Variants in ASB5 observed in about 807,000 individuals in gnomAD.
The protein encoded by ASB5 is ankyrin repeat and SOCS box protein 5.
A neutral mutation model predicts 42.1 loss-of-function variants in ASB5; 45 were observed. The ratio of observed to expected loss-of-function variants is 1.07; its 90% confidence interval spans 0.84 to 1.37. The LOEUF (loss-of-function observed/expected upper bound fraction) is 1.37, where lower values mean the gene tolerates loss of function less well. Among genes scored for constraint, ASB5 ranks in the 40% most tolerant of loss-of-function variants. The probability of loss-of-function intolerance (pLI) is 0.00; values close to 1 mark genes in which losing one functional copy is unlikely to be tolerated. For synonymous variants in ASB5, 147 were observed against 150.6 expected, an observed-to-expected ratio of 0.98 and a Z score of 0.18; for missense variants, 402 against 399.8, an observed-to-expected ratio of 1.01 and a Z score of -0.05.
chr4:176,241,655 T>A, intron 1 of ASB5: 1 of 1,370,772 alleles, frequency 7.3e-7, no homozygotes, highest in Non-Finnish European at 9.4e-7. Context: ...TACCTAAATC[T>A]GTTGGCCTAG....
At chr4:176,276,544 C>T (rs1327188135) in intron 1 of ASB5, among the ~76,000 whole-genome samples, 3 of 152,194 alleles carry the variant, frequency 2.0e-5, no homozygotes, top group African/African-American at 7.2e-5. Flanking sequence ...ATGTACACAT[C>T]ACAAATATTC....
chr4:176,268,846 C>T, intron 1 of ASB5, 67 bp downstream of exon 1: 2 of 1,296,710 alleles, frequency 1.5e-6, no homozygotes, highest in Non-Finnish European at 2.1e-6. Context: ...AAAAAGAAAA[C>T]ATGTAATTGT....
chr4:176,269,146 C>T lies in ASB5; in HGVS notation c.-38G>A. 2.5e-6 allele frequency: 4 copies of T among 1,580,302 alleles called. No homozygotes were observed. Among genetic ancestry groups the T allele is most frequent in the South Asian group, 1.1e-5 (1 of 86,970 alleles). ...ATCTGCGGCGGTCTTTAGTTGGATCCAAGTCTCAAATGTGCCTGGCTCTCG... is the reference window on the plus strand; with the variant it reads ...ATCTGCGGCGGTCTTTAGTTGGATCTAAGTCTCAAATGTGCCTGGCTCTCG... On this transcript the variant is annotated 5_prime_UTR_variant, in exon 1 of 7. Transcript: ENST00000296525.
chr4:176,273,815 TA>T (rs1284242574), upstream of ASB5, among the ~76,000 whole-genome samples: 2 of 152,244 alleles, frequency 1.3e-5, no homozygotes, highest in Non-Finnish European at 2.9e-5. Flanking sequence ...TATAAGAGTT[TA>T]AAAAATAGAT....
intron 1 of ASB5, among the ~76,000 whole-genome samples, chr4:176,235,008 A>G (rs1279905654): frequency 2.0e-5 from 3 of 152,322 alleles, no homozygotes; most frequent in Middle Eastern, 6.8e-3. Context: ...AAAGCCAGGA[A>G]GCAAACTCCG....
intron 2 of ASB5, among the ~76,000 whole-genome samples, chr4:176,274,525 C>A (rs895874262): frequency 6.6e-6 from 1 of 152,106 alleles, no homozygotes; most frequent in African/African-American, 2.4e-5. Flanking sequence ...TACTGAGATT[C>A]CCACCCAGGT....
At chr4:176,235,921 C>T (rs921348488) in intron 1 of ASB5, among the ~76,000 whole-genome samples, 1 of 151,764 alleles carries the variant, frequency 6.6e-6, no homozygotes, top group Non-Finnish European at 1.5e-5. Flanking sequence ...TTCTGAACAT[C>T]GCTCACTGCA....
intron 1 of ASB5, among the ~76,000 whole-genome samples, chr4:176,226,891 A>C (rs1753395724): frequency 6.6e-6 from 1 of 152,204 alleles, no homozygotes; most frequent in Non-Finnish European, 1.5e-5. Context: ...TCTGAAGTGA[A>C]GCATGAGCCC....
At chr4:176,238,089 A>G (rs1392090164) in intron 1 of ASB5, among the ~76,000 whole-genome samples, 1 of 151,832 alleles carries the variant, frequency 6.6e-6, no homozygotes, top group Non-Finnish European at 1.5e-5. Context: ...GGACATAGGG[A>G]CGGGGCGCCT....
At chr4:176,252,065 C>G (rs1392718471) in intron 1 of ASB5, among the ~76,000 whole-genome samples, 1 of 51,714 alleles carries the variant, frequency 1.9e-5, no homozygotes, top group South Asian at 7.5e-4. Flanking sequence ...GACCTTGTCT[C>G]AAAAAAAAAA....
intron 3 of ASB5, among the ~76,000 whole-genome samples, chr4:176,222,008 A>G (rs1753227461): frequency 6.6e-6 from 1 of 152,204 alleles, no homozygotes; most frequent in Non-Finnish European, 1.5e-5. Flanking sequence ...TTTAAGGAAA[A>G]TCATCCAAAA....
intron 1 of ASB5, among the ~76,000 whole-genome samples, chr4:176,247,210 A>G (rs1753930017): frequency 6.6e-6 from 1 of 152,160 alleles, no homozygotes; most frequent in African/African-American, 2.4e-5. Context: ...TATAAATGAG[A>G]AACTATATTA....
upstream of ASB5, among the ~76,000 whole-genome samples, chr4:176,273,465 A>C (rs1754512071): frequency 6.6e-6 from 1 of 152,220 alleles, no homozygotes; most frequent in Non-Finnish European, 1.5e-5. Context: ...CGTGAGAAAA[A>C]AAAATAAAGG....
chr4:176,224,833 GCC>G (rs749982603), intron 2 of ASB5, among the ~76,000 whole-genome samples: 5 of 152,156 alleles, frequency 3.3e-5, no homozygotes, highest in Non-Finnish European at 7.3e-5. Context: ...TTAGGCAATT[GCC>G]CATAGCATAT....
chr4:176,254,754 C>A (rs1754119756), intron 1 of ASB5, among the ~76,000 whole-genome samples: 1 of 152,162 alleles, frequency 6.6e-6, no homozygotes. Flanking sequence ...TGAAAAGACA[C>A]TTCTCAAAAG....
Position 176,221,169 on chromosome 4 carries a change from T to C in ASB5, c.656A>G (p.Lys219Arg). 3 of 1,613,350 alleles carry C rather than the reference T, an allele frequency of 1.9e-6. No homozygotes were observed. In the East Asian group the frequency reaches 6.7e-5, roughly 36 times the overall value. The change falls in exon 5 of 7, where the codon AAG (lysine) becomes AGG (arginine). Residue 219 changes from lysine to arginine, a missense_variant. Coordinates refer to ENST00000296525, the MANE Select transcript of ASB5 (RefSeq NM_080874.4). ...CMSQQFHCIW[K>R]LLYAGADVQK... ...AAGGAAAATACCAGCATAAAGAAGC[T>C]TCCAGATGCAATGGAATTGCTGTGA...
chr4:176,233,650 T>C (rs1270630209), intron 1 of ASB5, among the ~76,000 whole-genome samples: 1 of 152,162 alleles, frequency 6.6e-6, no homozygotes, highest in Admixed American at 6.5e-5. Context: ...CCCAGTGTTT[T>C]TTTCCATTGT....
intron 1 of ASB5, among the ~76,000 whole-genome samples, chr4:176,255,132 A>G (rs1754129436): frequency 6.6e-6 from 1 of 152,206 alleles, no homozygotes; most frequent in African/African-American, 2.4e-5. Context: ...TCCATCTTCA[A>G]AGAAACAAAC....
intron 1 of ASB5, among the ~76,000 whole-genome samples, chr4:176,226,691 T>A (rs1753388483): frequency 1.3e-5 from 2 of 152,218 alleles, no homozygotes; most frequent in Non-Finnish European, 2.9e-5. Context: ...GTTTCATGTT[T>A]TTTCACATTG....
Sources: allele counts gnomAD v4.1 joint callset (sites outside exome capture counted in the v4.1 genomes callset), GRCh38; gene constraint gnomAD v4.1.1; transcripts MANE v1.5; gene names NCBI Gene and HGNC (gene_info 2026-07-23, HGNC 2026-07-21).